Variants in CLEC9A observed in about 807,000 individuals in gnomAD.
CLEC9A encodes the protein C-type lectin domain family 9 member A.
CLEC9A carries 24 observed loss-of-function variants against 30.0 expected under a neutral mutation model. The ratio of observed to expected loss-of-function variants is 0.80; its 90% CI spans 0.58 to 1.13. CLEC9A has a LOEUF of 1.13. Among genes scored for constraint, CLEC9A ranks in the 50% most tolerant of loss-of-function variants. The probability of loss-of-function intolerance (pLI) is 0.00; values close to 1 mark genes in which losing one functional copy is unlikely to be tolerated. For missense variants in CLEC9A, 251 were observed against 280.9 expected, an observed-to-expected ratio of 0.89 and a Z score of 0.76; for synonymous variants, 111 against 96.8, an observed-to-expected ratio of 1.15 and a Z score of -0.86.
At chr12:10,065,440 C>A in intron 8 of CLEC9A, 60 bp from the exon 9 acceptor site, 1 of 1,600,340 alleles carries the variant, frequency 6.2e-7, no homozygotes, top group East Asian at 2.2e-5. Flanking sequence ...ATTAGTTACC[C>A]TCAGGAGCAT....
intron 1 of CLEC9A, among the ~76,000 whole-genome samples, chr12:10,036,926 AAC>A (rs1865748991): frequency 1.3e-5 from 2 of 152,224 alleles, no homozygotes; most frequent in African/African-American, 2.4e-5. Context: ...CGTATTGGGT[AAC>A]ACAGGAAATT....
chr12:10,030,692 G>A lies in CLEC9A; in HGVS notation c.-598G>A, dbSNP rs1179756103. The A allele has an allele frequency of 6.6e-6, 1 of 152,234 alleles. No homozygotes were observed. The highest frequency in any genetic ancestry group is 2.4e-5 in the African/African-American group (1 of 41,454). The allele number at this position is 152,234 out of a possible 1,614,324, so 9.4% of individuals were successfully genotyped here. A position where few individuals can be genotyped will look rare whatever the true frequency, so the allele number is the denominator to read the frequency against. ...GCGGGACTTCCGTTTGTACCCGGCT[G>A]TGGCAATCTGTGGTGAAGTTGAAAT... On this transcript the variant is annotated 5_prime_UTR_variant, in exon 1 of 9. It adds an upstream start codon to the 5' untranslated region. Transcript: ENST00000355819.
intron 2 of CLEC9A, among the ~76,000 whole-genome samples, chr12:10,049,444 C>T (rs531356116): frequency 4.0e-4 from 61 of 152,198 alleles, no homozygotes; most frequent in African/African-American, 1.4e-3. Flanking sequence ...TCCTAGATGT[C>T]ATCTTTCCAA....
At chr12:10,044,049 C>T (rs538179502) in intron 2 of CLEC9A, among the ~76,000 whole-genome samples, 1 of 152,280 alleles carries the variant, frequency 6.6e-6, no homozygotes, top group Non-Finnish European at 1.5e-5. Context: ...ACTTGAGAGT[C>T]TTTTGACTTT....
At chr12:10,056,393 AAAG>A (rs1352474292) in intron 5 of CLEC9A, among the ~76,000 whole-genome samples, 3 of 152,190 alleles carry the variant, frequency 2.0e-5, no homozygotes, top group African/African-American at 7.2e-5. Flanking sequence ...ACAACAAAAG[AAAG>A]AAGAAACACT....
intron 2 of CLEC9A, among the ~76,000 whole-genome samples, chr12:10,046,529 G>C (rs973187343): frequency 1.3e-5 from 2 of 152,316 alleles, no homozygotes; most frequent in South Asian, 2.1e-4. Flanking sequence ...CTCTATGCTT[G>C]CTTCTTGCTG....
intron 5 of CLEC9A, among the ~76,000 whole-genome samples, chr12:10,056,742 A>G (rs964225838): frequency 6.6e-6 from 1 of 152,180 alleles, no homozygotes; most frequent in African/African-American, 2.4e-5. Context: ...TGAATGTAGT[A>G]TATATTTAAA....
chr12:10,038,265 T>C (rs542789963), intron 1 of CLEC9A, among the ~76,000 whole-genome samples: 1 of 152,354 alleles, frequency 6.6e-6, no homozygotes, highest in East Asian at 1.9e-4. Flanking sequence ...GTTTCCAAAA[T>C]CAGGTACTGT....
At chr12:10,049,663 C>T (rs1565591140) in intron 2 of CLEC9A, among the ~76,000 whole-genome samples, 1 of 152,164 alleles carries the variant, frequency 6.6e-6, no homozygotes, top group Non-Finnish European at 1.5e-5. Context: ...AACTTCCTTA[C>T]CTCTCTCACT....
At chr12:10,063,286 C>CTT in intron 7 of CLEC9A, 80 bp downstream of exon 7, 2 of 1,293,364 alleles carry the variant, frequency 1.5e-6, no homozygotes, top group South Asian at 4.1e-5. Flanking sequence ...TCTCATAAGA[C>CTT]AAAATTCCTT....
intron 3 of CLEC9A, 45 bp downstream of exon 3, chr12:10,052,139 T>C (rs1865898218): frequency 6.6e-6 from 1 of 152,308 alleles, no homozygotes; most frequent in African/African-American, 2.4e-5. Context: ...TATTTTGAGG[T>C]TTATTTATCA....
At position 10,041,533 on chromosome 12, in the gene CLEC9A, C is replaced by G; in HGVS notation, c.-250C>G. On this transcript the variant is annotated 5_prime_UTR_variant, in exon 2 of 9. An upstream open reading frame in the 5' UTR gains an earlier in-frame stop. Transcript: ENST00000355819. ...ATGGAGATAGCTGCTATGGGTTCTTCAAACACAACTTGACATGGAAAGAGA... is the reference window on the plus strand; with the variant it reads ...ATGGAGATAGCTGCTATGGGTTCTTGAAACACAACTTGACATGGAAAGAGA... 2.0e-6 allele frequency: 1 copy of G among 501,678 alleles called. No individual in the cohort carries two copies. The highest frequency in any genetic ancestry group is 4.0e-6 in the Non-Finnish European group (1 of 249,940). The allele number at this position is 501,678 out of a possible 1,614,324, so 31.1% of individuals were successfully genotyped here. A position where few individuals can be genotyped will look rare whatever the true frequency, so the allele number is the denominator to read the frequency against.
chr12:10,054,231 T>C, intron 4 of CLEC9A, 40 bp from the exon 5 acceptor site: 1 of 1,509,106 alleles, frequency 6.6e-7, no homozygotes, highest in South Asian at 1.1e-5. Context: ...TTTTATCTGC[T>C]TTCTCTAACT....
chr12:10,061,314 A>G, intron 6 of CLEC9A, 41 bp downstream of exon 6: 7 of 1,519,234 alleles, frequency 4.6e-6, no homozygotes, highest in Non-Finnish European at 6.2e-6. Flanking sequence ...ACATCTAAAT[A>G]TATACACCAA....
intron 6 of CLEC9A, among the ~76,000 whole-genome samples, chr12:10,062,336 A>T (rs1388668117): frequency 6.6e-6 from 1 of 152,170 alleles, no homozygotes; most frequent in African/African-American, 2.4e-5. Flanking sequence ...TCCTTCTATA[A>T]ACCTGTGCCA....
intron 2 of CLEC9A, among the ~76,000 whole-genome samples, chr12:10,051,276 G>C (rs986721214): frequency 6.6e-6 from 1 of 151,958 alleles, no homozygotes; most frequent in Non-Finnish European, 1.5e-5. Context: ...GTTGCCCCTG[G>C]GGATTCTCTC....
At chr12:10,038,877 T>G (rs1048807591) in intron 1 of CLEC9A, among the ~76,000 whole-genome samples, 1 of 152,220 alleles carries the variant, frequency 6.6e-6, no homozygotes, top group Non-Finnish European at 1.5e-5. Flanking sequence ...CATCAGGCCT[T>G]AACAGAGAGT....
intron 5 of CLEC9A, among the ~76,000 whole-genome samples, chr12:10,055,480 T>C (rs1488384151): frequency 6.6e-6 from 1 of 152,174 alleles, no homozygotes; most frequent in Non-Finnish European, 1.5e-5. Flanking sequence ...ATTGCAAATA[T>C]CAAAAAATAT....
chr12:10,062,972 G>T, intron 6 of CLEC9A, 83 bp from the exon 7 acceptor site: 1 of 1,213,038 alleles, frequency 8.2e-7, no homozygotes, highest in South Asian at 1.7e-5. Context: ...CCTCACTGAG[G>T]GTGAGGCAAG....
Sources: gnomAD v4.1 joint callset for allele counts (sites outside exome capture counted in the v4.1 genomes callset) on GRCh38, gnomAD v4.1.1 for gene constraint, MANE v1.5 for transcripts, NCBI Gene and HGNC (gene_info 2026-07-23, HGNC 2026-07-21) for gene names.